Variants in SLC35E4 observed in about 807,000 individuals in gnomAD.
SLC35E4 encodes the protein solute carrier family 35, member E4.
In SLC35E4, 15 loss-of-function variants were observed where a neutral mutation model predicts 19.3. The observed-to-expected ratio is 0.78, with a 90% confidence interval of 0.52 to 1.20. SLC35E4 has a LOEUF of 1.20. SLC35E4 is among the 50% of genes most tolerant of loss of function. The pLI is 0.00. For synonymous variants in SLC35E4, 219 were observed against 219.9 expected, an observed-to-expected ratio of 1.00 and a Z score of 0.04; for missense variants, 406 against 472.3, an observed-to-expected ratio of 0.86 and a Z score of 1.30.
At chr22:30,645,245 G>C (rs1001167612) in intron 1 of SLC35E4, among the ~76,000 whole-genome samples, 16 of 152,184 alleles carry the variant, frequency 1.1e-4, no homozygotes, top group African/African-American at 3.6e-4. Flanking sequence ...GAGTGATAGG[G>C]GCTGAGGCGG....
chr22:30,663,873 T>C (rs766501550), downstream of SLC35E4: 10 of 1,614,088 alleles, frequency 6.2e-6, no homozygotes, highest in South Asian at 1.1e-5. Flanking sequence ...GGTGATCTGG[T>C]TGCTAGACAG....
At chr22:30,649,270 G>T, downstream of SLC35E4, 1 of 716,598 alleles carries the variant, frequency 1.4e-6, no homozygotes, top group South Asian at 1.5e-5. Context: ...GCACCAACTG[G>T]CTCTGCTTTT....
At chr22:30,651,411 A>T (rs1455111870), downstream of SLC35E4, among the ~76,000 whole-genome samples, 2 of 63,658 alleles carry the variant, frequency 3.1e-5, no homozygotes, top group Admixed American at 4.6e-4. Context: ...ATATATATAT[A>T]TATATATATA....
downstream of SLC35E4, among the ~76,000 whole-genome samples, chr22:30,666,621 CAAAAA>C (rs55979351): frequency 3.4e-4 from 21 of 62,496 alleles, no homozygotes; most frequent in South Asian, 8.2e-4. Flanking sequence ...GACTCCATCT[CAAAAA>C]AAAAAAAAAA....
chr22:30,657,344 A>T (rs1402132985), intron 2 of SLC35E4, among the ~76,000 whole-genome samples: 3 of 151,520 alleles, frequency 2.0e-5, no homozygotes, highest in Non-Finnish European at 2.9e-5. Context: ...CTGTAATCCC[A>T]GCTACTTGGG....
chr22:30,642,269 A>G lies in SLC35E4; in HGVS notation c.620-4329A>G, dbSNP rs575929045. Reference sequence around the variant, plus strand: ...AAGTGATTTACCCACCTCGGCCTAAAGTGCTGGGATTACGGGCATGAGCCA... The same window carrying G: ...AAGTGATTTACCCACCTCGGCCTAAGGTGCTGGGATTACGGGCATGAGCCA... On this transcript the variant is annotated intron_variant, in intron 1 of 1. Transcript: ENST00000343605. 3.3e-5 allele frequency among the ~76,000 whole-genome samples: 5 copies of G among 152,170 alleles called. No homozygotes were observed. The South Asian group carries it at 1.0e-3, about 32-fold the overall frequency.
exon 3 of SLC35E4, chr22:30,668,942 A>G (rs1342120469): frequency 6.6e-6 from 1 of 152,174 alleles, no homozygotes; most frequent in Non-Finnish European, 1.5e-5. Flanking sequence ...AATTTTTTGC[A>G]CCACTGAGTG....
downstream of SLC35E4, chr22:30,663,392 A>G (rs373502013): frequency 3.7e-5 from 57 of 1,544,918 alleles, no homozygotes; most frequent in African/African-American, 7.1e-4. Context: ...AAGATCAACA[A>G]TAGATCTGTA....
intron 1 of SLC35E4, among the ~76,000 whole-genome samples, chr22:30,642,406 A>T (rs2088057574): frequency 6.6e-6 from 1 of 152,028 alleles, no homozygotes; most frequent in African/African-American, 2.4e-5. Flanking sequence ...TGCCAGCTCC[A>T]TTCCTGAGAG....
downstream of SLC35E4, chr22:30,663,792 A>T: frequency 6.2e-7 from 1 of 1,614,242 alleles, no homozygotes; most frequent in Non-Finnish European, 8.5e-7. Flanking sequence ...GGAGTCAGCC[A>T]CAGGTACCTG....
At chr22:30,644,119 A>G (rs2088089673) in intron 1 of SLC35E4, among the ~76,000 whole-genome samples, 1 of 152,190 alleles carries the variant, frequency 6.6e-6, no homozygotes, top group African/African-American at 2.4e-5. Context: ...TTTAATGTGC[A>G]AGCCACAGGT....
At chr22:30,653,912 A>G in intron 2 of SLC35E4, 1 of 169,254 alleles carries the variant, frequency 5.9e-6, no homozygotes, top group Non-Finnish European at 1.3e-5. Flanking sequence ...AGGACACCCC[A>G]GTATTTGTCA....
chr22:30,651,419 ATATATATATTTTTTTTTTT>A (rs1198497879), downstream of SLC35E4, among the ~76,000 whole-genome samples: 230 of 64,166 alleles, frequency 3.6e-3, 1 homozygote, highest in East Asian at 0.02. Flanking sequence ...ATATATATAT[ATATATATATTTTTTTTTTT>A]TTTTTTTTTT....
At chr22:30,651,419 ATATATATATTTTTTTTTT>A (rs1247653914), downstream of SLC35E4, among the ~76,000 whole-genome samples, 22 of 64,318 alleles carry the variant, frequency 3.4e-4, no homozygotes, top group African/African-American at 1.5e-3. Context: ...ATATATATAT[ATATATATATTTTTTTTTT>A]TTTTTTTTTT....
downstream of SLC35E4, chr22:30,664,088 G>A (rs981845587): frequency 3.7e-6 from 5 of 1,334,924 alleles, no homozygotes; most frequent in South Asian, 2.8e-5. Context: ...AAACTGCAGA[G>A]AGGGAGAGGA....
chr22:30,643,615 G>C (rs2088081982), intron 1 of SLC35E4, among the ~76,000 whole-genome samples: 1 of 152,052 alleles, frequency 6.6e-6, no homozygotes, highest in Non-Finnish European at 1.5e-5. Flanking sequence ...GGGTGAGCCG[G>C]CATCAAGGAC....
intron 2 of SLC35E4, among the ~76,000 whole-genome samples, chr22:30,656,738 G>T (rs747653549): frequency 2.6e-4 from 40 of 152,166 alleles, no homozygotes; most frequent in Non-Finnish European, 4.7e-4. Context: ...CCTCTCAAAA[G>T]CCCTCAACCT....
chr22:30,647,768 C>T lies in SLC35E4; in HGVS notation c.*737C>T, dbSNP rs1569060668. The T allele has an allele frequency of 6.6e-6, 1 of 152,214 alleles. No individual in the cohort carries two copies. Among genetic ancestry groups the T allele is most frequent in the Non-Finnish European group, 1.5e-5 (1 of 68,056 alleles). The allele number at this position is 152,214 out of a possible 1,614,324, so 9.4% of individuals were successfully genotyped here. A position where few individuals can be genotyped will look rare whatever the true frequency, so the allele number is the denominator to read the frequency against. On this transcript the variant is annotated 3_prime_UTR_variant, in exon 2 of 2. Coordinates refer to ENST00000343605, the MANE Select transcript of SLC35E4 (RefSeq NM_001001479.4). ...GCTAGGAGGCCCAGCAGGGGGGCTTCTATGCTGCTGGGCTCCCCTAGGGAG... is the reference window on the plus strand; with the variant it reads ...GCTAGGAGGCCCAGCAGGGGGGCTTTTATGCTGCTGGGCTCCCCTAGGGAG...
intron 1 of SLC35E4, among the ~76,000 whole-genome samples, chr22:30,644,858 G>A (rs764575568): frequency 1.3e-5 from 2 of 152,104 alleles, no homozygotes; most frequent in South Asian, 2.1e-4. Flanking sequence ...ATGTGTACAC[G>A]TAGGTACACA....
Sources: allele counts gnomAD v4.1 joint callset (sites outside exome capture counted in the v4.1 genomes callset), GRCh38; gene constraint gnomAD v4.1.1; transcripts MANE v1.5; gene names NCBI Gene and HGNC (gene_info 2026-07-23, HGNC 2026-07-21).